The following AGT variants were observed in gnomAD, a reference collection of about 807,000 sequenced individuals.
AGT encodes angiotensinogen, also known as alpha-1 antiproteinase, antitrypsin.
AGT carries 26 observed loss-of-function variants against 28.1 expected under a neutral mutation model. That is an observed-to-expected ratio of 0.92 (90% CI 0.68 to 1.28). The LOEUF (loss-of-function observed/expected upper bound fraction) is 1.28. Among genes scored for constraint, AGT ranks in the 50% most tolerant of loss-of-function variants. The pLI is 0.00. For synonymous variants in AGT, 259 were observed against 259.6 expected, an observed-to-expected ratio of 1.00 and a Z score of 0.02; for missense variants, 596 against 592.3, an observed-to-expected ratio of 1.01 and a Z score of -0.06.
chr1:230,705,968 T>C lies in AGT; in HGVS notation c.1062A>G (p.Gln354=), dbSNP rs757457429. The change falls in exon 3 of 5, where the codon CAA becomes CAG. Residue 354 remains glutamine (Q), a synonymous_variant. Transcript: ENST00000366667. The part of the protein sequence containing the change: ...LDKVEGLTFQ[Q]NSLNWMKKLS... ...GTTTCTTCATCCAGTTGAGGGAGTT[T>C]TGCTGGAAAGTGAGACCCTCCACCT... 3.7e-6 allele frequency: 6 copies of C among 1,614,128 alleles called. No homozygotes were observed. The highest frequency in any genetic ancestry group is 5.1e-6 in the Non-Finnish European group (6 of 1,180,014).
At chr1:230,740,460 AAC>A (rs1664228107) in intron 1 of AGT, among the ~76,000 whole-genome samples, 1 of 152,184 alleles carries the variant, frequency 6.6e-6, no homozygotes, top group Admixed American at 6.5e-5. Flanking sequence ...TTCTGGCTCA[AAC>A]ACCTCTGACA....
chr1:230,723,689 T>G (rs1663886746), intron 1 of AGT, among the ~76,000 whole-genome samples: 1 of 152,228 alleles, frequency 6.6e-6, no homozygotes, highest in Non-Finnish European at 1.5e-5. Flanking sequence ...TAATTAGTCC[T>G]ATGATGTGAG....
intron 1 of AGT, among the ~76,000 whole-genome samples, chr1:230,712,209 G>A (rs1327416554): frequency 6.6e-6 from 1 of 152,124 alleles, no homozygotes; most frequent in African/African-American, 2.4e-5. Flanking sequence ...CTGACTCAAG[G>A]CCACCTTGAT....
chr1:230,707,740 G>A (rs1268225764), intron 2 of AGT, among the ~76,000 whole-genome samples: 1 of 152,220 alleles, frequency 6.6e-6, no homozygotes, highest in African/African-American at 2.4e-5. Context: ...CTAAAAAAGG[G>A]AAGCTGCCTC....
chr1:230,742,790 T>C (rs1263657089), intron 1 of AGT, among the ~76,000 whole-genome samples: 1 of 152,228 alleles, frequency 6.6e-6, no homozygotes, highest in African/African-American at 2.4e-5. Context: ...CCTTTTTTAA[T>C]GTAAACAATG....
In AGT at chr1:230,703,155, G is replaced by T. The variant is rs1464320677; in HGVS notation, c.1417C>A (p.Leu473Met). 6.2e-7 allele frequency: 1 copy of T among 1,613,770 alleles called. No homozygotes were observed. Residue 473 changes from leucine (L) to methionine (M), a missense_variant, in exon 5 of 5, where the codon CTG (leucine) becomes ATG (methionine). Leu to Met is a conservative substitution (Grantham distance 15). Transcript: ENST00000366667. ...GGGCCCTGGCCTCATGCTGTGCTCA[G>T]CGGGTTGGCCACGCGGCCCAGGAAG... ...LHFLGRVANP[L>M]STA
chr1:230,719,313 C>G (rs1663797831), upstream of AGT, among the ~76,000 whole-genome samples: 1 of 151,894 alleles, frequency 6.6e-6, no homozygotes, highest in Admixed American at 6.6e-5. Flanking sequence ...TGTCCATGAG[C>G]TGGAGGAAAA....
At chr1:230,717,051 T>A (rs1188528235), upstream of AGT, among the ~76,000 whole-genome samples, 1 of 147,820 alleles carries the variant, frequency 6.8e-6, no homozygotes, top group Non-Finnish European at 1.5e-5. Flanking sequence ...CCAGCCACTT[T>A]GACACAGCCC....
intron 1 of AGT, among the ~76,000 whole-genome samples, chr1:230,732,820 G>A (rs1558294805): frequency 6.6e-6 from 1 of 152,152 alleles, no homozygotes; most frequent in Non-Finnish European, 1.5e-5. Context: ...CTGTCTCAAG[G>A]GTGGCAGAGG....
At chr1:230,721,747 G>A (rs1663847251) in intron 1 of AGT, among the ~76,000 whole-genome samples, 1 of 152,204 alleles carries the variant, frequency 6.6e-6, no homozygotes. Context: ...GAAACTGGCA[G>A]CATTTTACCC....
intron 1 of AGT, among the ~76,000 whole-genome samples, chr1:230,713,761 G>A (rs950246577): frequency 6.6e-5 from 10 of 152,110 alleles, no homozygotes; most frequent in African/African-American, 2.4e-4. Flanking sequence ...TCCTCCTGAT[G>A]GCAAGAGGAC....
At chr1:230,704,856 G>T (rs1663336187) in intron 3 of AGT, among the ~76,000 whole-genome samples, 1 of 152,176 alleles carries the variant, frequency 6.6e-6, no homozygotes, top group Non-Finnish European at 1.5e-5. Context: ...TTCCAGTGAT[G>T]TATCAAGCAC....
chr1:230,713,718 C>T (rs961634258), intron 1 of AGT, among the ~76,000 whole-genome samples: 11 of 152,180 alleles, frequency 7.2e-5, no homozygotes, highest in African/African-American at 2.7e-4. Context: ...CGGCCCTTCC[C>T]TCCAGCCCCA....
chr1:230,743,878 G>T (rs559230480), intron 1 of AGT, among the ~76,000 whole-genome samples: 1 of 152,338 alleles, frequency 6.6e-6, no homozygotes, highest in African/African-American at 2.4e-5. Flanking sequence ...AAGGGAGTTC[G>T]CCACAGGCCT....
intron 4 of AGT, among the ~76,000 whole-genome samples, chr1:230,703,928 C>G (rs1663304110): frequency 6.6e-6 from 1 of 152,184 alleles, no homozygotes; most frequent in African/African-American, 2.4e-5. Flanking sequence ...CCTGGAGGAC[C>G]CTGAGGCAAG....
chr1:230,717,663 C>G (rs1663764611), upstream of AGT, among the ~76,000 whole-genome samples: 1 of 152,136 alleles, frequency 6.6e-6, no homozygotes, highest in Non-Finnish European at 1.5e-5. Context: ...AGGGGTGGAG[C>G]CTACTGTCCT....
chr1:230,724,975 A>G (rs2102799882), intron 1 of AGT, among the ~76,000 whole-genome samples: 2 of 152,366 alleles, frequency 1.3e-5, no homozygotes, highest in African/African-American at 4.8e-5. Flanking sequence ...AGCAGAAGCT[A>G]TACTCAGGAA....
upstream of AGT, among the ~76,000 whole-genome samples, chr1:230,716,008 C>G (rs1663728637): frequency 6.6e-6 from 1 of 152,126 alleles, no homozygotes; most frequent in Non-Finnish European, 1.5e-5. Flanking sequence ...CTAAGCAAGC[C>G]AAACTTCTCT....
intron 1 of AGT, among the ~76,000 whole-genome samples, chr1:230,745,330 G>A (rs949498908): frequency 8.5e-5 from 13 of 152,128 alleles, no homozygotes; most frequent in East Asian, 1.9e-4. Flanking sequence ...CCACAAACCC[G>A]CCATGCCTCT....
Sources: allele counts gnomAD v4.1 joint callset (sites outside exome capture counted in the v4.1 genomes callset), GRCh38; gene constraint gnomAD v4.1.1; transcripts MANE v1.5; gene names NCBI Gene and HGNC (gene_info 2026-07-23, HGNC 2026-07-21).